CDKL3: variants seen among roughly 807,000 people sequenced by gnomAD.
The protein encoded by CDKL3 is cyclin dependent kinase like 3, also known as cyclin-dependent kinase-like 3.
CDKL3 carries 65 observed loss-of-function variants against 69.3 expected under a neutral mutation model. That is an observed-to-expected ratio of 0.94 (90% CI 0.77 to 1.15). The LOEUF is 1.15. Among genes scored for constraint, CDKL3 ranks in the 50% most tolerant of loss-of-function variants. The probability of loss-of-function intolerance (pLI) is 0.00; values close to 1 mark genes in which losing one functional copy is unlikely to be tolerated. For missense variants in CDKL3, 652 were observed against 689.2 expected, an observed-to-expected ratio of 0.95 and a Z score of 0.61; for synonymous variants, 202 against 221.6, an observed-to-expected ratio of 0.91 and a Z score of 0.79.
downstream of CDKL3, among the ~76,000 whole-genome samples, chr5:134,294,053 G>A (rs1765241399): frequency 6.6e-6 from 1 of 152,040 alleles, no homozygotes; most frequent in Non-Finnish European, 1.5e-5. Flanking sequence ...AGATTACAGT[G>A]AGCTATAATC....
intron 4 of CDKL3, among the ~76,000 whole-genome samples, chr5:134,349,669 T>C (rs1752760358): frequency 6.6e-6 from 1 of 152,176 alleles, no homozygotes; most frequent in Non-Finnish European, 1.5e-5. Context: ...CAAATATAGA[T>C]ACACACTGAG....
chr5:134,366,959 C>A lies in CDKL3; in HGVS notation c.-22+18G>T, dbSNP rs897918765. 1 of 990,212 alleles carries A rather than the reference C, an allele frequency of 1.0e-6. No homozygotes were observed. The highest frequency in any genetic ancestry group is 1.2e-6 in the Non-Finnish European group (1 of 832,994). 61.3% of individuals were successfully genotyped at this position (990,212 alleles called of 1,614,324 possible). A position where few individuals can be genotyped will look rare whatever the true frequency, so the allele number is the denominator to read the frequency against. On this transcript the variant is annotated intron_variant, in intron 1 of 12. Coordinates refer to ENST00000265334, the MANE Select transcript of CDKL3 (RefSeq NM_001113575.2). ...GGTCTCGCCCGCAACTCAAACCACA[C>A]GTCTTAGGATGCCGGACCGGCGTCA...
At chr5:134,324,184 TGAC>T (rs1267378071) in intron 4 of CDKL3, among the ~76,000 whole-genome samples, 2 of 152,182 alleles carry the variant, frequency 1.3e-5, no homozygotes, top group African/African-American at 4.8e-5. Flanking sequence ...TCCAAAATAC[TGAC>T]AACATCAAAT....
intron 7 of CDKL3, among the ~76,000 whole-genome samples, chr5:134,310,449 C>T (rs1769133155): frequency 6.6e-6 from 1 of 151,908 alleles, no homozygotes; most frequent in African/African-American, 2.4e-5. Flanking sequence ...CTCGGCCTCC[C>T]AAAGTGCTGG....
At chr5:134,290,045 C>G (rs539426895) in intron 8 of CDKL3, among the ~76,000 whole-genome samples, 1 of 152,200 alleles carries the variant, frequency 6.6e-6, no homozygotes, top group East Asian at 1.9e-4. Flanking sequence ...GAGAATACAG[C>G]AGTGAACAAG....
chr5:134,369,190 G>A (rs1758065670), upstream of CDKL3, among the ~76,000 whole-genome samples: 1 of 152,200 alleles, frequency 6.6e-6, no homozygotes. Context: ...AACAAGGACA[G>A]CCAGTGATTC....
At chr5:134,363,723 AGTGCTAG>A (rs1756636672) in intron 2 of CDKL3, among the ~76,000 whole-genome samples, 12 of 152,026 alleles carry the variant, frequency 7.9e-5, no homozygotes, top group Admixed American at 7.9e-4. Flanking sequence ...GGCCTCCCAA[AGTGCTAG>A]GATTACTGGC....
chr5:134,313,756 T>TA (rs1161739486), intron 6 of CDKL3, among the ~76,000 whole-genome samples: 1 of 150,664 alleles, frequency 6.6e-6, no homozygotes, highest in Non-Finnish European at 1.5e-5. Flanking sequence ...GTTTTTTTTT[T>TA]ACCAAAATAA....
chr5:134,363,164 T>C (rs1756465026), intron 2 of CDKL3, among the ~76,000 whole-genome samples: 1 of 152,198 alleles, frequency 6.6e-6, no homozygotes, highest in African/African-American at 2.4e-5. Context: ...TAATCAGATT[T>C]TCATTCACAG....
chr5:134,371,575 A>T, upstream of CDKL3: 1 of 1,608,614 alleles, frequency 6.2e-7, no homozygotes, highest in Admixed American at 1.7e-5. Flanking sequence ...TTTCAGACTG[A>T]CCGCGGGGCA....
Position 134,306,645 on chromosome 5 carries a change from C to T in CDKL3, c.1422G>A (p.Met474Ile), listed in dbSNP as rs1767913047. 1 of 1,589,992 alleles carries T rather than the reference C, an allele frequency of 6.3e-7. No individual in the cohort carries two copies. The highest frequency in any genetic ancestry group is 8.5e-7 in the Non-Finnish European group (1 of 1,172,218). The change falls in exon 10 of 13, where the codon ATG becomes ATA. Residue 474 changes from methionine to isoleucine, a missense_variant. Coordinates refer to ENST00000265334, the MANE Select transcript of CDKL3 (RefSeq NM_001113575.2). The part of the protein sequence containing the change: ...RTSSQSIGQV[M>I]PNSRQEDPGP... The stretch of plus-strand genomic sequence containing the variant: ...CTGGATCCTCTTGCCTGCTATTAGG[C>T]ATAACTTGTCCAATAGATTGTGAAG...
intron 4 of CDKL3, among the ~76,000 whole-genome samples, chr5:134,341,999 C>T (rs1008305408): frequency 1.3e-5 from 2 of 152,292 alleles, no homozygotes; most frequent in Admixed American, 6.5e-5. Flanking sequence ...GAAAGCTGTT[C>T]TCCTTTCTCT....
chr5:134,340,134 A>G (rs1750111612), intron 4 of CDKL3, among the ~76,000 whole-genome samples: 1 of 152,208 alleles, frequency 6.6e-6, no homozygotes. Context: ...AGCCTGAGCA[A>G]CAGAGCAAGA....
Position 134,366,976 on chromosome 5 carries a change from C to G in CDKL3, c.-22+1G>C. The G allele has an allele frequency of 4.0e-6, 4 of 989,610 alleles. No homozygotes were observed. The highest frequency in any genetic ancestry group is 1.7e-5 in the African/African-American group (1 of 57,404). 61.3% of individuals were successfully genotyped at this position (989,610 alleles called of 1,614,324 possible). On this transcript the variant is annotated splice_donor_variant, in intron 1 of 12. Coordinates refer to ENST00000265334, the MANE Select transcript of CDKL3 (RefSeq NM_001113575.2). LOFTEE classifies it low-confidence loss of function (5UTR_SPLICE). ...AAACCACACGTCTTAGGATGCCGGA[C>G]CGGCGTCACGCCCCACGTCCCGCTG...
intron 6 of CDKL3, among the ~76,000 whole-genome samples, chr5:134,314,176 A>G (rs556599123): frequency 6.6e-6 from 1 of 152,126 alleles, no homozygotes; most frequent in African/African-American, 2.4e-5. Context: ...CAAACAAATT[A>G]AAAAAACCCT....
At chr5:134,352,949 T>TGG (rs763378441) in intron 3 of CDKL3, among the ~76,000 whole-genome samples, 144 of 152,316 alleles carry the variant, frequency 9.5e-4, no homozygotes, top group African/African-American at 3.3e-3. Flanking sequence ...TATCTATGTT[T>TGG]GCTTCTGTTG....
chr5:134,298,788 TGCTAAA>T, intron 12 of CDKL3, 78 bp from the exon 13 acceptor site: 7 of 1,539,300 alleles, frequency 4.5e-6, no homozygotes, highest in Non-Finnish European at 6.2e-6. Context: ...ACTTTATTAA[TGCTAAA>T]TTACATGTAA....
intron 4 of CDKL3, among the ~76,000 whole-genome samples, chr5:134,329,119 T>C (rs1168896371): frequency 6.6e-6 from 1 of 152,116 alleles, no homozygotes; most frequent in Non-Finnish European, 1.5e-5. Context: ...GGTGGGAAGA[T>C]TGCTTGAGGA....
At chr5:134,357,778 A>G (rs1754984415) in intron 3 of CDKL3, among the ~76,000 whole-genome samples, 4 of 152,102 alleles carry the variant, frequency 2.6e-5, no homozygotes, top group Admixed American at 1.3e-4. Context: ...ATTGCTACTT[A>G]GTCCAAACCG....
Sources: gnomAD v4.1 joint callset for allele counts (sites outside exome capture counted in the v4.1 genomes callset) on GRCh38, gnomAD v4.1.1 for gene constraint, MANE v1.5 for transcripts, NCBI Gene and HGNC (gene_info 2026-07-23, HGNC 2026-07-21) for gene names.